Variants in RBM10 observed in about 807,000 individuals in gnomAD.
The protein encoded by RBM10 is RNA binding motif protein 10.
A neutral mutation model predicts 84.9 loss-of-function variants in RBM10; 1 was observed. The ratio of observed to expected loss-of-function variants is 0.01; its 90% CI spans 0.00 to 0.06. RBM10 has a LOEUF of 0.06. Among genes scored for constraint, RBM10 ranks in the 10% least tolerant of loss-of-function variants. The pLI, the probability that RBM10 is intolerant of heterozygous loss-of-function variation, is 1.00. For missense variants in RBM10, 438 were observed against 839.0 expected (o/e 0.52, Z 5.90); for synonymous variants, 326 against 344.5 (o/e 0.95, Z 0.60).
chrX:47,179,608 C>T (rs1935380998), intron 9 of RBM10, 113 bp downstream of exon 9: 6 of 896,208 alleles, frequency 6.7e-6, no homozygotes, highest in East Asian at 6.8e-5. Context: ...CCACTTGGTG[C>T]GGGGATAGAC....
At chrX:47,148,350 CTG>C (rs1163168708) in intron 2 of RBM10, among the ~76,000 whole-genome samples, 1 of 111,486 alleles carries the variant, frequency 9.0e-6, no homozygotes. Flanking sequence ...TAGAAGTGCT[CTG>C]TGGCCATTTC....
chrX:47,158,849 A>G (rs782334888), intron 2 of RBM10, among the ~76,000 whole-genome samples: 44 of 112,090 alleles, frequency 3.9e-4, no homozygotes, highest in Non-Finnish European at 4.1e-4. Context: ...GTGATCCCCA[A>G]TGTCTGATAT....
At position 47,177,506 on chromosome X, in the gene RBM10, TA is replaced by T. The variant is rs200402562; in HGVS notation, c.663+930del. Among the ~76,000 whole-genome samples the T allele has an allele frequency of 1.0e-4, 11 of 108,174 alleles. No individual in the cohort carries two copies. In the East Asian group the frequency reaches 1.4e-3, roughly 14 times the overall value. The allele number at this position is 108,174 out of a possible 115,157, so 93.9% of individuals were successfully genotyped here. The stretch of plus-strand genomic sequence containing the variant: ...GTCAGGGAGAGTGGTGCATCTGTTT[TA>T]AAAAAAAAAGTCCCATCAGAGGATT... On this transcript the variant is annotated intron_variant, in intron 7 of 23. Coordinates refer to ENST00000377604, the MANE Select transcript of RBM10 (RefSeq NM_005676.5).
At chrX:47,170,126 C>T (rs1934535350) in intron 3 of RBM10, among the ~76,000 whole-genome samples, 1 of 113,607 alleles carries the variant, frequency 8.8e-6, no homozygotes, top group African/African-American at 3.2e-5. Flanking sequence ...TCCATGCGAG[C>T]AGGCAGCTCT....
At chrX:47,185,816 C>T in intron 21 of RBM10, 26 bp downstream of exon 21, 4 of 1,206,050 alleles carry the variant, frequency 3.3e-6, no homozygotes, top group Non-Finnish European at 4.5e-6. Context: ...ACCCTGGGCT[C>T]CCTCCCCTGT....
chrX:47,167,804 A>G (rs905305214), intron 2 of RBM10, among the ~76,000 whole-genome samples: 3 of 112,420 alleles, frequency 2.7e-5, no homozygotes, highest in African/African-American at 9.7e-5. Flanking sequence ...TGGTTACATT[A>G]ATTTGTACCC....
intron 2 of RBM10, among the ~76,000 whole-genome samples, chrX:47,149,355 G>C (rs1032117743): frequency 2.8e-5 from 3 of 107,763 alleles, no homozygotes; most frequent in African/African-American, 6.8e-5. Context: ...TGTTTGTTTT[G>C]TTTTGTTTTG....
intron 5 of RBM10, among the ~76,000 whole-genome samples, chrX:47,174,541 A>G (rs1266685494): frequency 8.9e-6 from 1 of 111,737 alleles, no homozygotes; most frequent in African/African-American, 3.3e-5. Flanking sequence ...AACACCTGTT[A>G]CAGGACCCCT....
intron 2 of RBM10, among the ~76,000 whole-genome samples, chrX:47,154,432 C>T (rs200610321): frequency 0.023 from 2,288 of 100,027 alleles, 34 homozygotes; most frequent in Non-Finnish European, 0.036. Context: ...ATTTTTTTTC[C>T]TTTTTTTTTT....
rs192192527 is a variant in RBM10, at chrX:47,165,910, C to G, written c.18-3405C>G. ...CTGCGTGCATCTATAGTCCTAACTA[C>G]TCGGGAGACTGAGGCAGGAGAATCG... On this transcript the variant is annotated intron_variant, in intron 2 of 23. Transcript: ENST00000377604. Among the ~76,000 whole-genome samples, 10 of 110,036 alleles carry G rather than the reference C, an allele frequency of 9.1e-5. No homozygotes were observed. In the East Asian group the frequency reaches 2.6e-3, roughly 28 times the overall value.
Position 47,173,930 on chromosome X carries a change from TCTC to T in RBM10, c.502+734_502+736del, listed in dbSNP as rs1934894860. Among the ~76,000 whole-genome samples the T allele has an allele frequency of 4.2e-5, 4 of 95,765 alleles. No individual in the cohort carries two copies. The South Asian group carries it at 2.0e-3, about 48-fold the overall frequency. The allele number at this position is 95,765 out of a possible 115,157, so 83.2% of individuals were successfully genotyped here. On this transcript the variant is annotated intron_variant, in intron 5 of 23. Coordinates refer to ENST00000377604, the MANE Select transcript of RBM10 (RefSeq NM_005676.5). ...CTCTCTCTCTCTCTCTCTCTCTCTC[TCTC>T]TTTCTCCCTCTCTCTCTTTCTCTCT...
chrX:47,147,931 T>C (rs1932439146), intron 2 of RBM10, among the ~76,000 whole-genome samples: 1 of 111,289 alleles, frequency 9.0e-6, no homozygotes, highest in African/African-American at 3.3e-5. Flanking sequence ...ATGGATACTC[T>C]CAGACAGTTA....
At chrX:47,180,351 C>T (rs782536336) in intron 11 of RBM10, 42 bp downstream of exon 11, 1 of 1,097,145 alleles carries the variant, frequency 9.1e-7, no homozygotes, top group East Asian at 3.2e-5. Context: ...TTCCCCTCCC[C>T]ACCCTCCCAC....
At chrX:47,165,059 G>C (rs1177484032) in intron 2 of RBM10, among the ~76,000 whole-genome samples, 1 of 111,921 alleles carries the variant, frequency 8.9e-6, no homozygotes, top group Non-Finnish European at 1.9e-5. Flanking sequence ...GAAGTACCTA[G>C]AATAGGCAAA....
chrX:47,185,104 A>C lies in RBM10; in HGVS notation c.2000A>C (p.Glu667Ala). Residue 667 changes from glutamate (E) to alanine (A), a missense_variant, in exon 18 of 24, where the codon GAA (glutamate) becomes GCA (alanine). This residue lies in a region of RBM10 where 39 missense variants were observed against 119.5 expected (regional missense o/e 0.33). Coordinates refer to ENST00000377604, the MANE Select transcript of RBM10 (RefSeq NM_005676.5). The part of the protein sequence containing the change: ...RWARSLNKQK[E>A]NFKNSFQPIS... ...GCCCGCAGTCTCAACAAACAAAAAG[A>C]AAACTTCAAAAATAGCTTCCAGCCT... 2 of 1,211,449 alleles carry C rather than the reference A, an allele frequency of 1.7e-6. No homozygotes were observed. Among genetic ancestry groups the C allele is most frequent in the Non-Finnish European group, 2.2e-6 (2 of 895,399 alleles).
Position 47,171,093 on chromosome X carries a change from C to T in RBM10, c.267C>T (p.Ser89=), listed in dbSNP as rs1556772818. The T allele has an allele frequency of 8.3e-7, 1 of 1,210,707 alleles. No individual in the cohort carries two copies. The highest frequency in any genetic ancestry group is 1.1e-6 in the Non-Finnish European group (1 of 895,096). The change falls in exon 4 of 24, where the codon AGC becomes AGT. Residue 89 remains serine, a synonymous_variant. Transcript: ENST00000377604. ...QRRRRRRHRH[S]PTGPPGFPRD... ...GGCGGCGGCGGCGGCACAGGCACAG[C>T]CCCACCGGCCCGCCAGGCTTCCCCC...
In RBM10 at chrX:47,181,947, CT is replaced by C; in HGVS notation, c.1694-3del. 7 of 1,211,369 alleles carry C rather than the reference CT, an allele frequency of 5.8e-6. No homozygotes were observed. Among genetic ancestry groups the C allele is most frequent in the Non-Finnish European group, 7.8e-6 (7 of 895,421 alleles). On this transcript the variant is annotated splice_region_variant and splice_polypyrimidine_tract_variant and intron_variant, in intron 15 of 23. Coordinates refer to ENST00000377604, the MANE Select transcript of RBM10 (RefSeq NM_005676.5). ...AGTGTGACCCCGTTCCCCTCACCCC[CT>C]AGCTGTTCCCGACGTCTCTACCTAC... is the stretch of plus-strand genomic sequence containing the variant.
intron 18 of RBM10, 31 bp from the exon 19 acceptor site, chrX:47,185,271 G>A (rs2147212794): frequency 8.3e-7 from 1 of 1,211,458 alleles, no homozygotes; most frequent in Non-Finnish European, 1.1e-6. Flanking sequence ...CCTCTGTGGA[G>A]TCCCTGAATT....
Position 47,179,876 on chromosome X carries a change from A to G in RBM10, c.902-4A>G. 1.7e-6 allele frequency: 2 copies of G among 1,204,354 alleles called. No homozygotes were observed. The highest frequency in any genetic ancestry group is 1.8e-5 in the South Asian group (1 of 55,897). ...GTCCTCTAACATTGGGCCCCTTCCCACAGCCATCATTTTGCGCAACCTGAA... is the reference window on the plus strand; with the variant it reads ...GTCCTCTAACATTGGGCCCCTTCCCGCAGCCATCATTTTGCGCAACCTGAA... On this transcript the variant is annotated splice_polypyrimidine_tract_variant and splice_region_variant and intron_variant, in intron 9 of 23. Transcript: ENST00000377604.
Sources: allele counts gnomAD v4.1 joint callset (sites outside exome capture counted in the v4.1 genomes callset), GRCh38; gene constraint gnomAD v4.1.1; regional missense constraint gnomAD v4.1.1; transcripts MANE v1.5; gene names NCBI Gene and HGNC (gene_info 2026-07-23, HGNC 2026-07-21).